The following RBFOX3 variants were observed in gnomAD, a reference collection of about 807,000 sequenced individuals.
RBFOX3 encodes RNA binding protein fox-1 homolog 3.
A neutral mutation model predicts 48.7 loss-of-function variants in RBFOX3; 17 were observed. That is an observed-to-expected ratio of 0.35 (90% CI 0.24 to 0.52). The LOEUF (loss-of-function observed/expected upper bound fraction) is 0.52. Among genes scored for constraint, RBFOX3 ranks in the 20% least tolerant of loss-of-function variants. RBFOX3 has a pLI of 0.94. For synonymous variants in RBFOX3, 212 were observed against 209.5 expected (o/e 1.01, Z -0.10); for missense variants, 382 against 497.5 (o/e 0.77, Z 2.21).
At chr17:79,578,549 C>T (rs1450119396) in intron 1 of RBFOX3, among the ~76,000 whole-genome samples, 2 of 152,344 alleles carry the variant, frequency 1.3e-5, no homozygotes, top group East Asian at 3.9e-4. Flanking sequence ...AAGGCCTGGA[C>T]GGGCCGGCCA....
intron 2 of RBFOX3, among the ~76,000 whole-genome samples, chr17:79,430,791 C>T (rs1421157441): frequency 5.9e-5 from 9 of 152,158 alleles, no homozygotes; most frequent in South Asian, 4.1e-4. Context: ...ATGATCCACC[C>T]GCCTCGGCCT....
At position 79,239,144 on chromosome 17, in the gene RBFOX3, T is replaced by A. The variant is rs2062009554; in HGVS notation, c.-73-3339A>T. Among the ~76,000 whole-genome samples the A allele has an allele frequency of 1.3e-5, 2 of 152,102 alleles. 1 individual carries two copies. The highest frequency in any genetic ancestry group is 4.1e-4 in the South Asian group (2 of 4,824). The stretch of plus-strand genomic sequence containing the variant: ...CCTGGGATGGTGCCTCGCTTCGTGT[T>A]TCTGAGATGTCGGCTCCCCCTCCTC... On this transcript the variant is annotated intron_variant, in intron 3 of 14. Transcript: ENST00000693108.
At chr17:79,607,374 G>A (rs1461183166) in intron 1 of RBFOX3, among the ~76,000 whole-genome samples, 1 of 152,130 alleles carries the variant, frequency 6.6e-6, no homozygotes, top group African/African-American at 2.4e-5. Flanking sequence ...GGAGACAACC[G>A]ACCAAAACTT....
At chr17:79,148,373 CA>C (rs1348579157) in intron 4 of RBFOX3, among the ~76,000 whole-genome samples, 1 of 152,226 alleles carries the variant, frequency 6.6e-6, no homozygotes, top group Non-Finnish European at 1.5e-5. Flanking sequence ...GAAGCTCAAA[CA>C]TGCCCTGTGC....
At chr17:79,563,786 G>A (rs938060395) in intron 1 of RBFOX3, among the ~76,000 whole-genome samples, 6 of 152,156 alleles carry the variant, frequency 3.9e-5, no homozygotes, top group African/African-American at 9.7e-5. Context: ...GCGTCTTGTC[G>A]CTATTTGCTT....
At chr17:79,101,692 T>C in intron 8 of RBFOX3, 48 bp from the exon 9 acceptor site, 1 of 1,505,896 alleles carries the variant, frequency 6.6e-7, no homozygotes, top group Middle Eastern at 1.7e-4. Context: ...ATTAGCCTCC[T>C]GGAAGACCCA....
rs1048124475 is a variant in RBFOX3 at position 79,196,156 on chromosome 17, G to A, written c.-34+39610C>T. 1.1e-4 allele frequency among the ~76,000 whole-genome samples: 17 copies of A among 152,142 alleles called. No individual in the cohort carries two copies. The East Asian group carries it at 2.5e-3, about 22-fold the overall frequency. The stretch of plus-strand genomic sequence containing the variant: ...GAAGTGGAGGCCGGGATGCGGGGTC[G>A]GAGTCACTGCCCCCTTCTACTGGAG... On this transcript the variant is annotated intron_variant, in intron 4 of 14. Coordinates refer to ENST00000693108, the MANE Select transcript of RBFOX3 (RefSeq NM_001350451.2).
At chr17:79,148,738 CCA>C (rs1213701943) in intron 4 of RBFOX3, among the ~76,000 whole-genome samples, 3 of 152,238 alleles carry the variant, frequency 2.0e-5, no homozygotes, top group African/African-American at 4.8e-5. Context: ...GAAGCACAGG[CCA>C]CAGAGTCTGA....
chr17:79,386,036 A>T (rs1425794330), intron 2 of RBFOX3, among the ~76,000 whole-genome samples: 1 of 145,366 alleles, frequency 6.9e-6, no homozygotes, highest in Admixed American at 6.9e-5. Flanking sequence ...TGGGGTTCCA[A>T]CACCTCCCAT....
intron 4 of RBFOX3, among the ~76,000 whole-genome samples, chr17:79,120,656 G>A (rs907478578): frequency 4.9e-5 from 7 of 142,228 alleles, no homozygotes; most frequent in Non-Finnish European, 1.1e-4. Context: ...GTGTGTGGAT[G>A]CACGGATGAA....
At chr17:79,522,974 G>A (rs901557786) in intron 1 of RBFOX3, among the ~76,000 whole-genome samples, 5 of 148,858 alleles carry the variant, frequency 3.4e-5, no homozygotes, top group Admixed American at 2.0e-4. Flanking sequence ...AAGCTCTGAC[G>A]CAGGCCAGAA....
intron 1 of RBFOX3, chr17:79,599,275 G>C (rs1286546222): frequency 6.6e-6 from 1 of 152,330 alleles, no homozygotes; most frequent in Non-Finnish European, 1.5e-5. Context: ...CGCACGACAC[G>C]ACCCCACTGC....
intron 4 of RBFOX3, among the ~76,000 whole-genome samples, chr17:79,179,392 GTGA>G (rs1462642697): frequency 2.6e-5 from 4 of 152,202 alleles, no homozygotes; most frequent in Non-Finnish European, 5.9e-5. Flanking sequence ...CCGGTGCCTG[GTGA>G]TGTTTACCTC....
intron 4 of RBFOX3, among the ~76,000 whole-genome samples, chr17:79,123,103 G>A (rs1248728500): frequency 2.0e-5 from 3 of 152,056 alleles, no homozygotes; most frequent in Non-Finnish European, 4.4e-5. Flanking sequence ...ATGGTTAATG[G>A]GTACAAAAGA....
intron 4 of RBFOX3, among the ~76,000 whole-genome samples, chr17:79,193,767 T>C (rs182975900): frequency 6.6e-6 from 1 of 152,328 alleles, no homozygotes; most frequent in African/African-American, 2.4e-5. Context: ...AGAGGGTCAA[T>C]GGAGCCTTGA....
At chr17:79,650,798 C>T in the RBFOX3 span, among the ~76,000 whole-genome samples, 4 of 152,130 alleles carry the variant, frequency 2.6e-5, no homozygotes, top group Admixed American at 6.5e-5. Flanking sequence ...AGACTGCCAT[C>T]GACGTCAGCG....
chr17:79,306,086 C>T (rs2076049998), intron 3 of RBFOX3, among the ~76,000 whole-genome samples: 1 of 152,234 alleles, frequency 6.6e-6, no homozygotes, highest in African/African-American at 2.4e-5. Context: ...CAGACGGAAT[C>T]TAGCCGATAG....
At chr17:79,608,993 AGGCCCATACCC>A (rs1247802278) in intron 1 of RBFOX3, among the ~76,000 whole-genome samples, 2 of 150,914 alleles carry the variant, frequency 1.3e-5, no homozygotes, top group African/African-American at 2.4e-5. Context: ...CCCCTGCAAG[AGGCCCATACCC>A]GGCTTTCATC....
chr17:79,424,448 C>A (rs1555724523), intron 2 of RBFOX3, among the ~76,000 whole-genome samples: 1 of 152,170 alleles, frequency 6.6e-6, no homozygotes, highest in East Asian at 1.9e-4. Flanking sequence ...CTCCGCTCCC[C>A]CCGCAACTGA....
Sources: gnomAD v4.1 joint callset for allele counts (sites outside exome capture counted in the v4.1 genomes callset) on GRCh38, gnomAD v4.1.1 for gene constraint, MANE v1.5 for transcripts, NCBI Gene and HGNC (gene_info 2026-07-23, HGNC 2026-07-21) for gene names.